Variants in PPIG observed in about 807,000 individuals in gnomAD.
PPIG encodes the protein peptidyl-prolyl cis-trans isomerase G.
A neutral mutation model predicts 87.9 loss-of-function variants in PPIG; 26 were observed. The observed-to-expected ratio is 0.30, with a 90% CI of 0.22 to 0.41. The LOEUF (loss-of-function observed/expected upper bound fraction) is 0.41. PPIG is among the 10% of genes least tolerant of loss of function. The pLI is 1.00. For missense variants in PPIG, 722 were observed against 879.4 expected (o/e 0.82, Z 2.26); for synonymous variants, 308 against 276.5 (o/e 1.11, Z -1.13).
Position 169,637,476 on chromosome 2 carries a change from T to A in PPIG, c.2218T>A (p.Phe740Ile). 2 of 1,603,616 alleles carry A rather than the reference T, an allele frequency of 1.2e-6. No homozygotes were observed. Among genetic ancestry groups the A allele is most frequent in the Non-Finnish European group, 1.7e-6 (2 of 1,177,808 alleles). ...CCATGTACATGAAAAAAATAAAAAA[T>A]TTGATCATGAATCAAGCCCTGGAAC... ...NDHVHEKNKK[F>I]DHESSPGTDE... is the part of the protein sequence containing the mutation. The change falls in exon 14 of 14, where the codon TTT (phenylalanine) becomes ATT (isoleucine). Residue 740 changes from phenylalanine to isoleucine, a missense_variant. Physicochemically the swap from Phe to Ile is conservative, Grantham distance 21. Around this residue, in one of 4 missense-constraint regions of PPIG, gnomAD observed 476 missense variants for 483.1 expected, o/e 0.99. Coordinates refer to ENST00000260970, the MANE Select transcript of PPIG (RefSeq NM_004792.3).
At chr2:169,599,259 G>A (rs1181874587) in intron 1 of PPIG, among the ~76,000 whole-genome samples, 1 of 152,068 alleles carries the variant, frequency 6.6e-6, no homozygotes, top group African/African-American at 2.4e-5. Flanking sequence ...TAATATGTAA[G>A]ATTATGATTT....
At position 169,637,433 on chromosome 2, in the gene PPIG, A is replaced by G. The variant is rs1315144330; in HGVS notation, c.2175A>G (p.Ser725=). 1 of 1,612,664 alleles carries G rather than the reference A, an allele frequency of 6.2e-7. No homozygotes were observed. Among genetic ancestry groups the G allele is most frequent in the Non-Finnish European group, 8.5e-7 (1 of 1,179,676 alleles). ...CAGTGGAAAAAGAAAACCAAAAATC[A>G]AAAGGTCAAGAAAATGACCATGTAC... ...RSSVEKENQK[S]KGQENDHVHE... The change falls in exon 14 of 14, where the codon TCA becomes TCG. Residue 725 remains serine (S), a synonymous_variant. Coordinates refer to ENST00000260970, the MANE Select transcript of PPIG (RefSeq NM_004792.3).
At chr2:169,599,333 T>C (rs542621384) in intron 1 of PPIG, among the ~76,000 whole-genome samples, 1 of 152,316 alleles carries the variant, frequency 6.6e-6, no homozygotes, top group South Asian at 2.1e-4. Flanking sequence ...TGTACAATTA[T>C]CTTTTTTCAT....
chr2:169,592,117 A>T (rs775023977), intron 1 of PPIG, among the ~76,000 whole-genome samples: 9 of 148,346 alleles, frequency 6.1e-5, no homozygotes, highest in Non-Finnish European at 1.3e-4. Context: ...TTTAATAGAG[A>T]TGGGGTCTTG....
At chr2:169,606,891 T>A (rs1685346653) in intron 5 of PPIG, among the ~76,000 whole-genome samples, 1 of 152,180 alleles carries the variant, frequency 6.6e-6, no homozygotes, top group Non-Finnish European at 1.5e-5. Context: ...ATTTTAATAG[T>A]CTTCGTCACA....
chr2:169,636,769 C>G lies in PPIG; in HGVS notation c.1511C>G (p.Ser504Cys). 1 of 1,612,032 alleles carries G rather than the reference C, an allele frequency of 6.2e-7. No homozygotes were observed. The highest frequency in any genetic ancestry group is 1.1e-5 in the South Asian group (1 of 90,648). Reference sequence around the variant, plus strand: ...AATGTTAAAGAAAAAGAAAAGCAGTCTGATTCTAAAGGAAAAGATCAGGAA... The same window carrying G: ...AATGTTAAAGAAAAAGAAAAGCAGTGTGATTCTAAAGGAAAAGATCAGGAA... ...HENVKEKEKQSDSKGKDQERS... is the reference protein window; with the variant it reads ...HENVKEKEKQCDSKGKDQERS... Residue 504 changes from serine (S) to cysteine (C), a missense_variant, in exon 14 of 14, where the codon TCT (serine) becomes TGT (cysteine). By Grantham distance (112) the Ser-to-Cys change is moderately radical. Transcript: ENST00000260970.
chr2:169,614,127 A>G (rs570068527), intron 7 of PPIG, among the ~76,000 whole-genome samples: 3 of 152,264 alleles, frequency 2.0e-5, no homozygotes, highest in Non-Finnish European at 2.9e-5. Flanking sequence ...CATGTAGAAC[A>G]TTATACAATT....
chr2:169,587,166 C>T (rs1339491429), intron 1 of PPIG, among the ~76,000 whole-genome samples: 3 of 152,100 alleles, frequency 2.0e-5, no homozygotes, highest in Non-Finnish European at 2.9e-5. Flanking sequence ...TTCCTGACCT[C>T]AAGTAATCCA....
chr2:169,598,087 G>A lies in PPIG; in HGVS notation c.-69-5555G>A, dbSNP rs188622969. On this transcript the variant is annotated intron_variant, in intron 1 of 13. Coordinates refer to ENST00000260970, the MANE Select transcript of PPIG (RefSeq NM_004792.3). ...ACAATCTCAGCTCACTGCAACCTCCGCATCCTGGGCCCAAATGATCCTCCT... is the reference window on the plus strand; with the variant it reads ...ACAATCTCAGCTCACTGCAACCTCCACATCCTGGGCCCAAATGATCCTCCT... Among the ~76,000 whole-genome samples, 23 of 149,798 alleles carry A rather than the reference G, an allele frequency of 1.5e-4. No individual in the cohort carries two copies. In the East Asian group the frequency reaches 3.4e-3, roughly 22 times the overall value.
intron 9 of PPIG, among the ~76,000 whole-genome samples, chr2:169,622,246 C>A (rs1245584852): frequency 6.6e-6 from 1 of 152,036 alleles, no homozygotes; most frequent in African/African-American, 2.4e-5. Flanking sequence ...CATGGTGAAA[C>A]CCTGTCTCTA....
chr2:169,637,591 C>T lies in PPIG; in HGVS notation c.*68C>T. 7.4e-7 allele frequency: 1 copy of T among 1,356,616 alleles called. No homozygotes were observed. Among genetic ancestry groups the T allele is most frequent in the African/African-American group, 1.5e-5 (1 of 67,490 alleles). 84.0% of individuals were successfully genotyped at this position (1,356,616 alleles called of 1,614,324 possible). A position where few individuals can be genotyped will look rare whatever the true frequency, so the allele number is the denominator to read the frequency against. Reference sequence around the variant, plus strand: ...GTTTGAGAGACTTGCTAATGAATCTCCTTTATGTTGTTTTCCTTTTCATTG... The same window carrying T: ...GTTTGAGAGACTTGCTAATGAATCTTCTTTATGTTGTTTTCCTTTTCATTG... On this transcript the variant is annotated 3_prime_UTR_variant, in exon 14 of 14. Coordinates refer to ENST00000260970, the MANE Select transcript of PPIG (RefSeq NM_004792.3).
chr2:169,617,071 T>C (rs1189546209), intron 9 of PPIG, among the ~76,000 whole-genome samples: 1 of 152,250 alleles, frequency 6.6e-6, no homozygotes, highest in African/African-American at 2.4e-5. Context: ...GTTTCAGTTT[T>C]CTGCATATGG....
intron 1 of PPIG, among the ~76,000 whole-genome samples, chr2:169,602,381 T>C (rs113663343): frequency 1.1e-4 from 17 of 152,276 alleles, no homozygotes; most frequent in African/African-American, 4.1e-4. Flanking sequence ...AGTGGTGCAG[T>C]CTTGGCTCAC....
Position 169,630,925 on chromosome 2 carries a change from A to G in PPIG, c.699A>G (p.Lys233=), listed in dbSNP as rs754527641. 3 of 1,601,990 alleles carry G rather than the reference A, an allele frequency of 1.9e-6. No individual in the cohort carries two copies. Among genetic ancestry groups the G allele is most frequent in the South Asian group, 1.1e-5 (1 of 87,160 alleles). ...AGAAATCAAAGAAAAGAAAAAAGAA[A>G]CATCGGAAAAATTCCCGAAAACACA... is the stretch of plus-strand genomic sequence containing the variant. ...TEEKSKKRKK[K]HRKNSRKHKK... is the part of the protein sequence containing the mutation. Residue 233 remains lysine (K), a synonymous_variant, in exon 10 of 14, where the codon AAA becomes AAG. Transcript: ENST00000260970.
chr2:169,604,713 A>T (rs562164936), intron 4 of PPIG, among the ~76,000 whole-genome samples: 1 of 150,924 alleles, frequency 6.6e-6, no homozygotes, highest in South Asian at 2.1e-4. Context: ...ATCTCTACTA[A>T]AAATACAAAA....
intron 1 of PPIG, among the ~76,000 whole-genome samples, chr2:169,594,625 C>CTTTTTTTTT (rs61375406): frequency 2.2e-4 from 25 of 114,618 alleles, no homozygotes; most frequent in Non-Finnish European, 2.6e-4. Context: ...TCTTTCTTTT[C>CTTTTTTTTT]TTTTTTTTTT....
At chr2:169,591,980 G>T (rs1015036661) in intron 1 of PPIG, among the ~76,000 whole-genome samples, 10 of 130,110 alleles carry the variant, frequency 7.7e-5, no homozygotes, top group Admixed American at 1.7e-4. Context: ...AGGCTGGAGT[G>T]TAGTGGCATG....
At chr2:169,593,037 A>G (rs12472066) in intron 1 of PPIG, among the ~76,000 whole-genome samples, 39,760 of 151,904 alleles carry the variant, frequency 0.26, 5,302 homozygotes, top group South Asian at 0.37. Flanking sequence ...ATCAATTTCT[A>G]TGAAGAGTGT....
rs999712076 is a variant in PPIG at position 169,641,090 on chromosome 2, A to G, written c.*3567A>G. On this transcript the variant is annotated 3_prime_UTR_variant, in exon 14 of 14. Coordinates refer to ENST00000260970, the MANE Select transcript of PPIG (RefSeq NM_004792.3). ...TTGTGTGTATATAGTATTTTGAAAGATAAATGAATTGGGTATTTGTATGTG... is the reference window on the plus strand; with the variant it reads ...TTGTGTGTATATAGTATTTTGAAAGGTAAATGAATTGGGTATTTGTATGTG... 6.6e-6 allele frequency: 1 copy of G among 152,162 alleles called. No individual in the cohort carries two copies. Among genetic ancestry groups the G allele is most frequent in the Non-Finnish European group, 1.5e-5 (1 of 68,018 alleles). 9.4% of individuals were successfully genotyped at this position (152,162 alleles called of 1,614,324 possible). A position where few individuals can be genotyped will look rare whatever the true frequency, so the allele number is the denominator to read the frequency against.
Sources: gnomAD v4.1 joint callset for allele counts (sites outside exome capture counted in the v4.1 genomes callset) on GRCh38, gnomAD v4.1.1 for gene constraint, gnomAD v4.1.1 regional missense constraint, MANE v1.5 for transcripts, NCBI Gene and HGNC (gene_info 2026-07-23, HGNC 2026-07-21) for gene names.